Variants in ECE2 observed in about 807,000 individuals in gnomAD.
The protein encoded by ECE2 is endothelin-converting enzyme 2.
In ECE2, 81 loss-of-function variants were observed where a neutral mutation model predicts 100.6. The observed-to-expected ratio is 0.81, with a 90% CI of 0.67 to 0.97. ECE2 has a LOEUF of 0.97. Among genes scored for constraint, ECE2 ranks in the 50% least tolerant of loss-of-function variants. The probability of loss-of-function intolerance (pLI) is 0.00; values close to 1 mark genes in which losing one functional copy is unlikely to be tolerated. For synonymous variants in ECE2, 391 were observed against 391.5 expected, an observed-to-expected ratio of 1.00 and a Z score of 0.02; for missense variants, 911 against 988.1, an observed-to-expected ratio of 0.92 and a Z score of 1.05.
At chr3:184,277,582 A>G in intron 4 of ECE2, 116 bp downstream of exon 4, 1 of 1,181,246 alleles carries the variant, frequency 8.5e-7, no homozygotes, top group South Asian at 1.5e-5. Flanking sequence ...GGTTCTGTGA[A>G]CACTCCAGAG....
In ECE2 at chr3:184,287,949, T is replaced by C; in HGVS notation, c.1374+2T>C. 6.2e-7 allele frequency: 1 copy of C among 1,613,466 alleles called. No homozygotes were observed. Among genetic ancestry groups the C allele is most frequent in the Non-Finnish European group, 8.5e-7 (1 of 1,179,460 alleles). On this transcript the variant is annotated splice_donor_variant, in intron 11 of 18. Transcript: ENST00000404464. LOFTEE classifies it high-confidence loss of function. ...TTTGACCGGCAAAGCAAAGAAATTG[T>C]GAGTCTACAAGATTCTTTCAACACT...
rs367598001 is a variant in ECE2 at position 184,287,912 on chromosome 3, G to T, written c.1339G>T (p.Val447Leu). Residue 447 changes from valine (V) to leucine (L), a missense_variant, in exon 11 of 19, where the codon GTG (valine) becomes TTG (leucine). Coordinates refer to ENST00000404464, the MANE Select transcript of ECE2 (RefSeq NM_001100121.2). ...TGGCTTTGCTTTGGGGTCCCTCTTC[G>T]TGAAGGCCACGTTTGACCGGCAAAG... ...ALGFALGSLF[V>L]KATFDRQSKE... 9 of 1,614,042 alleles carry T rather than the reference G, an allele frequency of 5.6e-6. No individual in the cohort carries two copies. Among genetic ancestry groups the T allele is most frequent in the Non-Finnish European group, 6.8e-6 (8 of 1,180,028 alleles).
Position 184,291,526 on chromosome 3 carries a change from C to G in ECE2, c.2121+87C>G. On this transcript the variant is annotated intron_variant, in intron 18 of 18. Transcript: ENST00000404464. This position sits in a 1 kb window ranked among gnomAD's most constrained non-coding sequence, Gnocchi z 4.1. ...ATTAGGAGAACTCTGGGGCACGTGT[C>G]AAACGGGCTGGTGAATGGGGCTGAG... is the stretch of plus-strand genomic sequence containing the variant. The G allele has an allele frequency of 7.9e-7, 1 of 1,262,562 alleles. No homozygotes were observed. Among genetic ancestry groups the G allele is most frequent in the South Asian group, 1.7e-5 (1 of 59,428 alleles). The allele number at this position is 1,262,562 out of a possible 1,614,324, so 78.2% of individuals were successfully genotyped here. A position where few individuals can be genotyped will look rare whatever the true frequency, so the allele number is the denominator to read the frequency against.
chr3:184,282,235 G>A (rs1720841935), intron 7 of ECE2, among the ~76,000 whole-genome samples: 1 of 152,238 alleles, frequency 6.6e-6, no homozygotes, highest in African/African-American at 2.4e-5. Context: ...ATCCCCCTCA[G>A]GAGCTGGGAT....
chr3:184,283,385 A>ACC (rs566498663), intron 7 of ECE2, among the ~76,000 whole-genome samples: 1 of 151,564 alleles, frequency 6.6e-6, no homozygotes, highest in Non-Finnish European at 1.5e-5. Context: ...ACATGGTGAA[A>ACC]CCCCGTCTCT....
intron 14 of ECE2, 98 bp downstream of exon 14, chr3:184,290,456 C>A: frequency 6.4e-7 from 1 of 1,555,808 alleles, no homozygotes; most frequent in Non-Finnish European, 8.8e-7. Flanking sequence ...TGGTCCCAGA[C>A]CGGCGGCCCC....
At chr3:184,277,582 A>C in intron 4 of ECE2, 116 bp downstream of exon 4, 1 of 1,181,246 alleles carries the variant, frequency 8.5e-7, no homozygotes, top group Non-Finnish European at 1.2e-6. Flanking sequence ...GGTTCTGTGA[A>C]CACTCCAGAG....
intron 7 of ECE2, chr3:184,278,799 C>T: frequency 1.8e-6 from 1 of 550,144 alleles, no homozygotes; most frequent in Non-Finnish European, 3.2e-6. Context: ...TGTGCCAGGT[C>T]CAGTGGGGGA....
At position 184,289,505 on chromosome 3, in the gene ECE2, TGAG is replaced by T. The variant is rs781289905; in HGVS notation, c.1444_1446del (p.Glu482del). Reference sequence around the variant, plus strand: ...CCCTGGGACAGCTGGTTTGGATGGATGAGAAGACCCGCCAGGCAGCCAAGGAGA... The same window carrying T: ...CCCTGGGACAGCTGGTTTGGATGGATAAGACCCGCCAGGCAGCCAAGGAGA... On this transcript the variant is annotated inframe_deletion, in exon 12 of 19. Transcript: ENST00000404464. The surrounding 1 kb of genome is among the most constrained non-coding windows in gnomAD (Gnocchi z 4.1). 5 of 1,612,618 alleles carry T rather than the reference TGAG, an allele frequency of 3.1e-6. No homozygotes were observed. The highest frequency in any genetic ancestry group is 1.7e-5 in the Admixed American group (1 of 59,754).
At position 184,291,621 on chromosome 3, in the gene ECE2, C is replaced by T; in HGVS notation, c.2121+182C>T. 1 of 598,238 alleles carries T rather than the reference C, an allele frequency of 1.7e-6. No homozygotes were observed. The highest frequency in any genetic ancestry group is 3.4e-4 in the Middle Eastern group (1 of 2,922). The allele number at this position is 598,238 out of a possible 1,614,324, so 37.1% of individuals were successfully genotyped here. On this transcript the variant is annotated intron_variant, in intron 18 of 18. Coordinates refer to ENST00000404464, the MANE Select transcript of ECE2 (RefSeq NM_001100121.2). This position sits in a 1 kb window ranked among gnomAD's most constrained non-coding sequence, Gnocchi z 4.1. ...TCCGGCCAGCCAGGGCCCACAAAGG[C>T]AGCCTGAAGAGGCCTGAGCGGGAGA... is the stretch of plus-strand genomic sequence containing the variant.
chr3:184,277,883 G>A (rs1720635067), intron 4 of ECE2, 42 bp from the exon 5 acceptor site: 1 of 1,604,528 alleles, frequency 6.2e-7, no homozygotes, highest in Non-Finnish European at 8.5e-7. Flanking sequence ...CCCCTCAGCA[G>A]TTAACGTAAT....
intron 6 of ECE2, 76 bp from the exon 7 acceptor site, chr3:184,278,416 C>A: frequency 6.3e-7 from 1 of 1,592,196 alleles, no homozygotes; most frequent in South Asian, 1.1e-5. Flanking sequence ...CCGGCCCCAC[C>A]CCTACCCCCG....
intron 7 of ECE2, among the ~76,000 whole-genome samples, chr3:184,283,197 G>A (rs1210595307): frequency 2.6e-5 from 4 of 152,178 alleles, no homozygotes; most frequent in Non-Finnish European, 5.9e-5. Flanking sequence ...GTAAGCTGCT[G>A]TAACTTGGAA....
chr3:184,278,113 A>G, intron 5 of ECE2, 54 bp from the exon 6 acceptor site: 1 of 1,613,352 alleles, frequency 6.2e-7, no homozygotes, highest in Non-Finnish European at 8.5e-7. Flanking sequence ...GAGATGGCCC[A>G]GGAACGCTTT....
intron 7 of ECE2, among the ~76,000 whole-genome samples, chr3:184,283,554 T>A: frequency 1.4e-5 from 1 of 69,266 alleles, no homozygotes. Context: ...AGAGTGAGAC[T>A]CCATCTCAAA....
intron 8 of ECE2, 150 bp downstream of exon 8, chr3:184,284,123 G>A (rs1228953591): frequency 9.8e-7 from 1 of 1,016,948 alleles, no homozygotes; most frequent in East Asian, 2.6e-5. Flanking sequence ...CTGCTGTCCT[G>A]GGGAAAAAAA....
Position 184,292,375 on chromosome 3 carries a change from A to C in ECE2, c.*137A>C. ...GTCCCTCCCCCCCACAGGTGACATG[A>C]GTACAGACCCTCCTCAATCACCACA... On this transcript the variant is annotated 3_prime_UTR_variant, in exon 19 of 19. Transcript: ENST00000404464. 1 of 967,670 alleles carries C rather than the reference A, an allele frequency of 1.0e-6. No individual in the cohort carries two copies. The allele number at this position is 967,670 out of a possible 1,614,324, so 59.9% of individuals were successfully genotyped here.
intron 10 of ECE2, among the ~76,000 whole-genome samples, chr3:184,286,737 C>T (rs561752121): frequency 8.9e-5 from 13 of 145,382 alleles, no homozygotes; most frequent in African/African-American, 3.3e-4. Flanking sequence ...CTGGAGGTTG[C>T]AGTGACCTGA....
At chr3:184,279,184 C>T (rs563979770) in intron 7 of ECE2, among the ~76,000 whole-genome samples, 1 of 151,820 alleles carries the variant, frequency 6.6e-6, no homozygotes, top group South Asian at 2.1e-4. Flanking sequence ...GTGGCAGGCA[C>T]CTGTAATCCC....
Sources: allele counts gnomAD v4.1 joint callset (sites outside exome capture counted in the v4.1 genomes callset), GRCh38; gene constraint gnomAD v4.1.1; non-coding constraint Gnocchi (gnomAD v3.1); transcripts MANE v1.5; gene names NCBI Gene and HGNC (gene_info 2026-07-23, HGNC 2026-07-21).